Variants in TMTC4 observed in about 807,000 individuals in gnomAD.
TMTC4 encodes protein O-mannosyl-transferase TMTC4.
In TMTC4, 65 loss-of-function variants were observed where a neutral mutation model predicts 86.0. The observed-to-expected ratio is 0.76, with a 90% confidence interval of 0.62 to 0.93. The LOEUF (loss-of-function observed/expected upper bound fraction) is 0.93. TMTC4 is among the 40% of genes least tolerant of loss of function. The pLI is 0.00. For synonymous variants in TMTC4, 379 were observed against 382.5 expected (o/e 0.99, Z 0.11); for missense variants, 866 against 948.1 (o/e 0.91, Z 1.14).
chr13:100,656,105 G>C (rs1403251331), intron 6 of TMTC4, among the ~76,000 whole-genome samples: 1 of 152,192 alleles, frequency 6.6e-6, no homozygotes, highest in Non-Finnish European at 1.5e-5. Context: ...GAAATAAAAT[G>C]GCAAAACTCA....
At chr13:100,636,116 T>C (rs145829330) in intron 10 of TMTC4, among the ~76,000 whole-genome samples, 1 of 152,224 alleles carries the variant, frequency 6.6e-6, no homozygotes, top group Non-Finnish European at 1.5e-5. Context: ...TTTGGGGCAA[T>C]GGCTTATTTT....
At chr13:100,674,876 C>T (rs1394390341), upstream of TMTC4, 3 of 983,040 alleles carry the variant, frequency 3.1e-6, no homozygotes, top group Non-Finnish European at 3.6e-6. Context: ...GCCGCGCCTC[C>T]CGCAGCTCCC....
chr13:100,665,195 A>G (rs1297632777), intron 3 of TMTC4, among the ~76,000 whole-genome samples: 1 of 152,230 alleles, frequency 6.6e-6, no homozygotes, highest in African/African-American at 2.4e-5. Flanking sequence ...TTTTACATTC[A>G]AAAGATGAAA....
chr13:100,617,308 TGG>T (rs1878663808), intron 15 of TMTC4, among the ~76,000 whole-genome samples: 1 of 152,030 alleles, frequency 6.6e-6, no homozygotes, highest in Admixed American at 6.6e-5. Context: ...CTAATTTTTT[TGG>T]ATTTTTTGTA....
chr13:100,613,184 A>G lies in TMTC4; in HGVS notation c.1952-674T>C, dbSNP rs1312316899. Among the ~76,000 whole-genome samples the G allele has an allele frequency of 2.0e-5, 3 of 152,208 alleles. No homozygotes were observed. In the East Asian group the frequency reaches 5.8e-4, roughly 29 times the overall value. On this transcript the variant is annotated intron_variant, in intron 16 of 18. Coordinates refer to ENST00000342624, the MANE Select transcript of TMTC4 (RefSeq NM_032813.5). The stretch of plus-strand genomic sequence containing the variant: ...TCACCCTACTGTGCAGTGGAACACT[A>G]GAACTGACTCCTATCTGTGTTTGTA...
At position 100,637,522 on chromosome 13, in the gene TMTC4, C is replaced by A; in HGVS notation, c.999+16G>T. On this transcript the variant is annotated intron_variant, in intron 9 of 18. Transcript: ENST00000342624. ...GGGAAGAAAAGAGTCCAGGGGGCGG[C>A]AGGCTCAGAACTCACCCTCACCAGC... is the stretch of plus-strand genomic sequence containing the variant. The A allele has an allele frequency of 6.3e-7, 1 of 1,599,618 alleles. No homozygotes were observed. Among genetic ancestry groups the A allele is most frequent in the Non-Finnish European group, 8.5e-7 (1 of 1,170,490 alleles).
intron 5 of TMTC4, among the ~76,000 whole-genome samples, chr13:100,657,212 T>C (rs1001347342): frequency 6.6e-6 from 1 of 152,168 alleles, no homozygotes; most frequent in African/African-American, 2.4e-5. Flanking sequence ...ATTGGAAACA[T>C]GAAGGACATA....
At chr13:100,655,776 C>A (rs1389531139) in intron 6 of TMTC4, among the ~76,000 whole-genome samples, 1 of 109,362 alleles carries the variant, frequency 9.1e-6, no homozygotes, top group Non-Finnish European at 2.1e-5. Context: ...TTTATCCAGG[C>A]TTGATAAGGT....
At chr13:100,620,213 C>T (rs1879262293) in intron 15 of TMTC4, among the ~76,000 whole-genome samples, 1 of 152,196 alleles carries the variant, frequency 6.6e-6, no homozygotes, top group Non-Finnish European at 1.5e-5. Context: ...ACTACATTTC[C>T]CAGGCTTCTT....
chr13:100,631,625 T>C (rs1200992136), intron 12 of TMTC4, among the ~76,000 whole-genome samples: 1 of 152,136 alleles, frequency 6.6e-6, no homozygotes, highest in East Asian at 1.9e-4. Flanking sequence ...GGACCAGCAC[T>C]ACCTACACTG....
intron 15 of TMTC4, among the ~76,000 whole-genome samples, chr13:100,621,513 C>A (rs903311734): frequency 1.3e-5 from 2 of 152,160 alleles, no homozygotes; most frequent in Non-Finnish European, 2.9e-5. Context: ...GCAAGCTCCG[C>A]CTCCCGGGTT....
At chr13:100,639,385 G>A (rs1882719479) in intron 7 of TMTC4, among the ~76,000 whole-genome samples, 1 of 152,188 alleles carries the variant, frequency 6.6e-6, no homozygotes, top group African/African-American at 2.4e-5. Flanking sequence ...CTGCCTGGTT[G>A]AAAACCACTT....
At chr13:100,619,141 C>G (rs1273986870) in intron 15 of TMTC4, among the ~76,000 whole-genome samples, 1 of 150,536 alleles carries the variant, frequency 6.6e-6, no homozygotes, top group East Asian at 2.0e-4. Flanking sequence ...ACCTCCCTCC[C>G]GGACGGGGCG....
chr13:100,653,486 G>T (rs902923239), intron 6 of TMTC4, among the ~76,000 whole-genome samples: 4 of 152,162 alleles, frequency 2.6e-5, no homozygotes, highest in African/African-American at 9.7e-5. Flanking sequence ...GACAGAGGGT[G>T]GGTCTCAGGG....
At chr13:100,629,815 G>A (rs529048228) in intron 12 of TMTC4, among the ~76,000 whole-genome samples, 17 of 152,210 alleles carry the variant, frequency 1.1e-4, no homozygotes, top group East Asian at 7.7e-4. Flanking sequence ...TATGAATGGC[G>A]TCCTTACAGA....
intron 3 of TMTC4, among the ~76,000 whole-genome samples, chr13:100,664,651 G>A (rs1227466237): frequency 6.6e-6 from 1 of 152,102 alleles, no homozygotes; most frequent in Non-Finnish European, 1.5e-5. Flanking sequence ...CTCTGCACGT[G>A]CGGGTCACCC....
chr13:100,632,564 TAA>T (rs1881592969), intron 12 of TMTC4, among the ~76,000 whole-genome samples: 1 of 152,226 alleles, frequency 6.6e-6, no homozygotes, highest in Non-Finnish European at 1.5e-5. Flanking sequence ...AATAAATTGA[TAA>T]GTCAACAAAT....
At chr13:100,621,672 G>A (rs760978813) in intron 15 of TMTC4, among the ~76,000 whole-genome samples, 4 of 152,086 alleles carry the variant, frequency 2.6e-5, no homozygotes, top group Admixed American at 6.5e-5. Flanking sequence ...TGATCCACTC[G>A]CCTCGGCCTT....
At chr13:100,664,801 G>A (rs965705791) in intron 3 of TMTC4, among the ~76,000 whole-genome samples, 1 of 152,162 alleles carries the variant, frequency 6.6e-6, no homozygotes, top group Non-Finnish European at 1.5e-5. Context: ...GCAATGTGTG[G>A]CACCCTGGCA....
Sources: gnomAD v4.1 joint callset for allele counts (sites outside exome capture counted in the v4.1 genomes callset) on GRCh38, gnomAD v4.1.1 for gene constraint, MANE v1.5 for transcripts, NCBI Gene and HGNC (gene_info 2026-07-23, HGNC 2026-07-21) for gene names.